The following LRP1B variants were observed in gnomAD, a reference collection of about 807,000 sequenced individuals.
LRP1B encodes LDL receptor related protein 1B.
Under a neutral mutation model 556.6 loss-of-function variants are expected in LRP1B, and 217 were observed. That is an observed-to-expected ratio of 0.39 (90% CI 0.35 to 0.44). The LOEUF (loss-of-function observed/expected upper bound fraction) is 0.44. Among genes scored for constraint, LRP1B ranks in the 20% least tolerant of loss-of-function variants. The pLI, the probability that LRP1B is intolerant of heterozygous loss-of-function variation, is 1.00. For synonymous variants in LRP1B, 2,047 were observed against 1,865.8 expected (o/e 1.10, Z -2.50); for missense variants, 5,053 against 5,620.8 (o/e 0.90, Z 3.23).
At chr2:141,106,320 C>T (rs1434124195) in intron 7 of LRP1B, among the ~76,000 whole-genome samples, 1 of 151,976 alleles carries the variant, frequency 6.6e-6, no homozygotes, top group Non-Finnish European at 1.5e-5. Context: ...CTAAAATGCC[C>T]CCCAAAAAAC....
chr2:141,392,962 T>G (rs1479511906), intron 3 of LRP1B, among the ~76,000 whole-genome samples: 1 of 152,180 alleles, frequency 6.6e-6, no homozygotes, highest in Non-Finnish European at 1.5e-5. Flanking sequence ...TGAAACAGAC[T>G]TAGGTTCAGA....
intron 3 of LRP1B, among the ~76,000 whole-genome samples, chr2:141,418,616 A>T (rs1212933163): frequency 6.6e-6 from 1 of 152,106 alleles, no homozygotes; most frequent in Non-Finnish European, 1.5e-5. Context: ...AGTACTACAC[A>T]GCTTTGATTT....
intron 3 of LRP1B, among the ~76,000 whole-genome samples, chr2:141,303,501 A>C (rs1157031190): frequency 1.3e-5 from 2 of 152,088 alleles, no homozygotes; most frequent in African/African-American, 2.4e-5. Flanking sequence ...ATGAAATAAA[A>C]ATTTTTAGCT....
At chr2:141,220,560 C>A (rs962158210) in intron 6 of LRP1B, among the ~76,000 whole-genome samples, 7 of 151,164 alleles carry the variant, frequency 4.6e-5, no homozygotes, top group Admixed American at 4.0e-4. Flanking sequence ...TCCAGAGAAC[C>A]CCAGTAAGAG....
At position 141,286,188 on chromosome 2, in the gene LRP1B, A is replaced by G. The variant is rs114966163; in HGVS notation, c.344-31547T>C. On this transcript the variant is annotated intron_variant, in intron 3 of 90. Coordinates refer to ENST00000389484, the MANE Select transcript of LRP1B (RefSeq NM_018557.3). ...AATCATCATGTGTTAAATTTTGTCA[A>G]GTTCTTTTTCTATGTGCCTTTTGAA... 3.0e-3 allele frequency among the ~76,000 whole-genome samples: 464 copies of G among 152,192 alleles called. 2 individuals are homozygous for G. The highest frequency in any genetic ancestry group is 0.01 in the African/African-American group (427 of 41,536).
intron 2 of LRP1B, among the ~76,000 whole-genome samples, chr2:141,521,300 A>G (rs62167934): frequency 0.13 from 19,016 of 152,090 alleles, 1,253 homozygotes; most frequent in South Asian, 0.21. Flanking sequence ...CAATCATGGA[A>G]ACTTTTTATC....
intron 3 of LRP1B, among the ~76,000 whole-genome samples, chr2:141,407,676 A>G (rs925691358): frequency 2.6e-5 from 4 of 152,108 alleles, no homozygotes; most frequent in Admixed American, 2.6e-4. Context: ...TTCACCTTCT[A>G]CCATAATTGA....
intron 3 of LRP1B, among the ~76,000 whole-genome samples, chr2:141,421,711 G>A (rs185148428): frequency 3.9e-5 from 6 of 152,110 alleles, no homozygotes; most frequent in African/African-American, 1.2e-4. Context: ...TTGATTCTAA[G>A]CTTAAGATTA....
intron 3 of LRP1B, among the ~76,000 whole-genome samples, chr2:141,376,587 CTG>C (rs750566951): frequency 1.1e-4 from 17 of 152,240 alleles, no homozygotes; most frequent in Non-Finnish European, 2.5e-4. Flanking sequence ...CTCTTGCAAT[CTG>C]TTTTTAGATG....
At chr2:140,282,266 T>C (rs1682946482) in intron 84 of LRP1B, among the ~76,000 whole-genome samples, 1 of 151,826 alleles carries the variant, frequency 6.6e-6, no homozygotes, top group South Asian at 2.1e-4. Context: ...TGATAAACAC[T>C]CATTTTTCAG....
At chr2:140,325,373 CT>C (rs1680419052) in intron 80 of LRP1B, among the ~76,000 whole-genome samples, 1 of 152,020 alleles carries the variant, frequency 6.6e-6, no homozygotes. Context: ...ACAATCATTA[CT>C]GTGATATTTT....
chr2:140,837,952 A>AT (rs1216493648), intron 31 of LRP1B, among the ~76,000 whole-genome samples: 3 of 152,170 alleles, frequency 2.0e-5, no homozygotes, highest in African/African-American at 4.8e-5. Flanking sequence ...ATTAAAAAAA[A>AT]ATATATCACT....
At chr2:141,605,383 T>G (rs1273713515) in intron 2 of LRP1B, among the ~76,000 whole-genome samples, 1 of 106,604 alleles carries the variant, frequency 9.4e-6, no homozygotes, top group Non-Finnish European at 1.9e-5. Flanking sequence ...TTTTATTTTA[T>G]TTTTTTTGAA....
At chr2:141,823,752 C>G (rs1314502268) in intron 1 of LRP1B, among the ~76,000 whole-genome samples, 1 of 152,194 alleles carries the variant, frequency 6.6e-6, no homozygotes, top group Non-Finnish European at 1.5e-5. Flanking sequence ...TCACTGCAGC[C>G]TTGATCTCCA....
At chr2:142,020,014 A>G (rs1414309186) in intron 1 of LRP1B, among the ~76,000 whole-genome samples, 1 of 152,166 alleles carries the variant, frequency 6.6e-6, no homozygotes, top group East Asian at 1.9e-4. Flanking sequence ...ATATAATGCC[A>G]TTTATTTATT....
At chr2:141,207,875 C>T (rs1169767494) in intron 6 of LRP1B, among the ~76,000 whole-genome samples, 1 of 152,140 alleles carries the variant, frequency 6.6e-6, no homozygotes, top group Non-Finnish European at 1.5e-5. Flanking sequence ...GGGGTTTTAC[C>T]ATTTTGACCA....
chr2:141,139,456 T>C (rs1355957648), intron 7 of LRP1B, among the ~76,000 whole-genome samples: 2 of 151,452 alleles, frequency 1.3e-5, no homozygotes, highest in Admixed American at 6.6e-5. Context: ...TTTTATCTGA[T>C]AAAATATTGG....
chr2:140,909,095 G>T (rs972010813), intron 21 of LRP1B, among the ~76,000 whole-genome samples: 18 of 152,168 alleles, frequency 1.2e-4, no homozygotes, highest in Non-Finnish European at 1.5e-5. Flanking sequence ...ACCATGACTG[G>T]CATTGTCGTC....
chr2:140,576,459 T>C (rs1681529449), intron 43 of LRP1B, among the ~76,000 whole-genome samples: 1 of 152,216 alleles, frequency 6.6e-6, no homozygotes, highest in Admixed American at 6.5e-5. Flanking sequence ...ACGTAGTTAC[T>C]CAGACTTGGT....
Sources: allele counts gnomAD v4.1 joint callset (sites outside exome capture counted in the v4.1 genomes callset), GRCh38; gene constraint gnomAD v4.1.1; transcripts MANE v1.5; gene names NCBI Gene and HGNC (gene_info 2026-07-23, HGNC 2026-07-21).